Variants in CEACAM21 observed in about 807,000 individuals in gnomAD.
CEACAM21 encodes CEA cell adhesion molecule 21, also known as cell adhesion molecule CEACAM21.
CEACAM21 carries 38 observed loss-of-function variants against 33.2 expected under a neutral mutation model. That is an observed-to-expected ratio of 1.14 (90% confidence interval 0.88 to 1.50). CEACAM21 has a LOEUF of 1.50. CEACAM21 is among the 40% of genes most tolerant of loss of function. CEACAM21 has a pLI of 0.00. For synonymous variants in CEACAM21, 156 were observed against 143.0 expected, an observed-to-expected ratio of 1.09 and a Z score of -0.65; for missense variants, 385 against 364.6, an observed-to-expected ratio of 1.06 and a Z score of -0.46.
intron 3 of CEACAM21, among the ~76,000 whole-genome samples, chr19:41,581,079 A>G (rs527768318): frequency 6.6e-6 from 1 of 152,360 alleles, no homozygotes; most frequent in East Asian, 1.9e-4. Flanking sequence ...ACTGGCCCCA[A>G]AACTGGTCAT....
intron 2 of CEACAM21, among the ~76,000 whole-genome samples, chr19:41,565,377 G>C (rs915111245): frequency 6.6e-6 from 1 of 152,242 alleles, no homozygotes; most frequent in East Asian, 1.9e-4. Flanking sequence ...CAGCCCGGGG[G>C]ATCAGCCCTG....
chr19:41,580,172 C>T (rs1456557300), intron 3 of CEACAM21, among the ~76,000 whole-genome samples: 2 of 151,936 alleles, frequency 1.3e-5, no homozygotes, highest in Non-Finnish European at 2.9e-5. Context: ...AATTGAAGTA[C>T]TGAAACTATA....
rs532799739 is a variant in CEACAM21 at position 41,566,229 on chromosome 19, A to C, written c.-404+1173A>C. Among the ~76,000 whole-genome samples the C allele has an allele frequency of 4.1e-4, 62 of 152,342 alleles. No individual in the cohort carries two copies. The Middle Eastern group carries it at 0.014, about 33-fold the overall frequency. On this transcript the variant is annotated intron_variant, in intron 2 of 7. Transcript: ENST00000407170. ...ATTTGTTTAGTATTGAATATGTGCC[A>C]AGCACACATTACAGAATACGTTACT...
intron 2 of CEACAM21, among the ~76,000 whole-genome samples, chr19:41,569,601 G>C (rs997597693): frequency 1.3e-5 from 2 of 152,142 alleles, no homozygotes; most frequent in South Asian, 2.1e-4. Flanking sequence ...CAAGGAGGAG[G>C]GAGCACTGTT....
rs1555790973 is a variant in CEACAM21 at position 41,576,266 on chromosome 19, GCAGAGAC to G, written c.-6_1del. 2.1e-5 allele frequency: 34 copies of G among 1,613,812 alleles called. No homozygotes were observed. Among genetic ancestry groups the G allele is most frequent in the Non-Finnish European group, 2.3e-5 (27 of 1,179,880 alleles). On this transcript the variant is annotated 5_prime_UTR_variant, in exon 1 of 7. Coordinates refer to ENST00000401445, the MANE Select transcript of CEACAM21 (RefSeq NM_001098506.4). Reference sequence around the variant, plus strand: ...TCCACAGAGGAGGACAGAGCAGGCAGCAGAGACCATGGGGCCCCCCTCAGCTTGTCCC... The same window carrying G: ...TCCACAGAGGAGGACAGAGCAGGCAGCATGGGGCCCCCCTCAGCTTGTCCC...
chr19:41,557,467 G>T (rs1431360141), intron 1 of CEACAM21, among the ~76,000 whole-genome samples: 2 of 152,146 alleles, frequency 1.3e-5, no homozygotes, highest in Non-Finnish European at 2.9e-5. Flanking sequence ...GTGATGTGGG[G>T]TCCTGTCGGG....
rs956315885 is a variant in CEACAM21 at position 41,586,357 on chromosome 19, C to T, written c.*1-107C>T. 33 of 608,928 alleles carry T rather than the reference C, an allele frequency of 5.4e-5. No homozygotes were observed. The East Asian group carries it at 1.4e-3, about 25-fold the overall frequency. The allele number at this position is 608,928 out of a possible 1,614,324, so 37.7% of individuals were successfully genotyped here. A position where few individuals can be genotyped will look rare whatever the true frequency, so the allele number is the denominator to read the frequency against. The stretch of plus-strand genomic sequence containing the variant: ...GGCCTGGGAGCAGGAACCCCCTGAG[C>T]ACAGCCAGGTTCAGTCCCAGAGTAG... On this transcript the variant is annotated intron_variant, in intron 6 of 6. Transcript: ENST00000401445.
At chr19:41,584,012 G>A (rs2070516977) in intron 3 of CEACAM21, among the ~76,000 whole-genome samples, 1 of 152,180 alleles carries the variant, frequency 6.6e-6, no homozygotes, top group African/African-American at 2.4e-5. Context: ...GCAAGGGCCT[G>A]CCCTTTACGA....
chr19:41,578,029 G>A (rs1555792005), intron 2 of CEACAM21, among the ~76,000 whole-genome samples: 13 of 152,172 alleles, frequency 8.5e-5, no homozygotes, highest in Non-Finnish European at 1.9e-4. Context: ...CTGATTGTGA[G>A]CAAGGATTTA....
intron 2 of CEACAM21, 86 bp downstream of exon 2, chr19:41,577,645 T>A: frequency 6.4e-7 from 1 of 1,572,074 alleles, no homozygotes; most frequent in Non-Finnish European, 8.6e-7. Flanking sequence ...TGTGCCTGCA[T>A]CCCCCTCTGC....
chr19:41,549,909 G>A (rs536914701), intron 1 of CEACAM21, among the ~76,000 whole-genome samples: 1 of 151,960 alleles, frequency 6.6e-6, no homozygotes, highest in South Asian at 2.1e-4. Context: ...AAAAAAATAT[G>A]TTTTCCATGG....
At chr19:41,557,598 C>T (rs2041615210) in intron 1 of CEACAM21, among the ~76,000 whole-genome samples, 1 of 152,128 alleles carries the variant, frequency 6.6e-6, no homozygotes, top group Admixed American at 6.5e-5. Flanking sequence ...GAAAACCATA[C>T]TTGTCACCCT....
intron 5 of CEACAM21, 129 bp from the exon 6 acceptor site, chr19:41,585,711 G>A: frequency 9.0e-7 from 1 of 1,108,436 alleles, no homozygotes; most frequent in Non-Finnish European, 1.3e-6. Flanking sequence ...TTGCTTACTT[G>A]ACCCCTAAAA....
At chr19:41,561,796 T>C (rs940295057) in intron 1 of CEACAM21, among the ~76,000 whole-genome samples, 3 of 152,190 alleles carry the variant, frequency 2.0e-5, no homozygotes, top group African/African-American at 7.2e-5. Flanking sequence ...TACAGATAAA[T>C]TGGGGAAAGA....
At position 41,586,560 on chromosome 19, in the gene CEACAM21, T is replaced by C; in HGVS notation, c.*97T>C. Reference sequence around the variant, plus strand: ...TCTGGGAGCTGCTCCTGTGGGTTGATGGAGCGTCCCTGAAGCCCCCAGCCC... The same window carrying C: ...TCTGGGAGCTGCTCCTGTGGGTTGACGGAGCGTCCCTGAAGCCCCCAGCCC... On this transcript the variant is annotated 3_prime_UTR_variant, in exon 7 of 7. Transcript: ENST00000401445. 1.6e-6 allele frequency: 1 copy of C among 623,882 alleles called. No individual in the cohort carries two copies. Among genetic ancestry groups the C allele is most frequent in the Admixed American group, 1.8e-5 (1 of 54,398 alleles). 38.6% of individuals were successfully genotyped at this position (623,882 alleles called of 1,614,324 possible).
chr19:41,582,666 G>A (rs1420282051), intron 3 of CEACAM21, among the ~76,000 whole-genome samples: 4 of 152,242 alleles, frequency 2.6e-5, no homozygotes, highest in Non-Finnish European at 5.9e-5. Flanking sequence ...TGCACCCTCT[G>A]AAGCCATGGC....
At chr19:41,569,694 T>C (rs1256364067) in intron 2 of CEACAM21, among the ~76,000 whole-genome samples, 1 of 152,108 alleles carries the variant, frequency 6.6e-6, no homozygotes, top group African/African-American at 2.4e-5. Context: ...ATGCCTGCTT[T>C]GCCCCAGGGT....
chr19:41,575,714 C>T (rs2042895248), upstream of CEACAM21, among the ~76,000 whole-genome samples: 1 of 152,102 alleles, frequency 6.6e-6, no homozygotes, highest in Admixed American at 6.5e-5. Flanking sequence ...GTCTCTGTCC[C>T]TGGGTCAGAG....
At chr19:41,554,223 G>T (rs1460549449) in intron 1 of CEACAM21, among the ~76,000 whole-genome samples, 1 of 151,954 alleles carries the variant, frequency 6.6e-6, no homozygotes, top group East Asian at 1.9e-4. Context: ...CTCTTCTGAT[G>T]TCACAATCTC....
Sources: allele counts gnomAD v4.1 joint callset (sites outside exome capture counted in the v4.1 genomes callset), GRCh38; gene constraint gnomAD v4.1.1; transcripts MANE v1.5; gene names NCBI Gene and HGNC (gene_info 2026-07-23, HGNC 2026-07-21).